Variants in PCDHA7 observed in about 807,000 individuals in gnomAD.
The protein encoded by PCDHA7 is protocadherin alpha-7.
PCDHA7 carries 37 observed loss-of-function variants against 57.2 expected under a neutral mutation model. That is an observed-to-expected ratio of 0.65 (90% confidence interval 0.50 to 0.85). The LOEUF is 0.85. Ranked by LOEUF, PCDHA7 falls within the 40% of genes least tolerant of loss-of-function variation. The pLI, the probability that PCDHA7 is intolerant of heterozygous loss-of-function variation, is 0.00. For missense variants in PCDHA7, 1,188 were observed against 1,241.8 expected (o/e 0.96, Z 0.65); for synonymous variants, 553 against 558.8 (o/e 0.99, Z 0.15).
At chr5:140,880,812 G>C (rs782505360) in intron 1 of PCDHA7, among the ~76,000 whole-genome samples, 2 of 152,200 alleles carry the variant, frequency 1.3e-5, no homozygotes, top group Non-Finnish European at 2.9e-5. Flanking sequence ...AATGACTCTA[G>C]AGTGTCTGGA....
intron 3 of PCDHA7, among the ~76,000 whole-genome samples, chr5:140,989,936 C>T (rs564429410): frequency 1.3e-5 from 2 of 152,104 alleles, no homozygotes; most frequent in Non-Finnish European, 2.9e-5. Flanking sequence ...AGATGACATT[C>T]CACGTTTTTC....
At position 141,007,395 on chromosome 5, in the gene PCDHA7, C is replaced by CA. The variant is rs35800918; in HGVS notation, c.2504-2209dup. 5.3e-3 allele frequency among the ~76,000 whole-genome samples: 498 copies of CA among 94,810 alleles called. 4 individuals carry two copies. The highest frequency in any genetic ancestry group is 0.049 in the East Asian group (166 of 3,398). 62.2% of individuals were successfully genotyped at this position (94,810 alleles called of 152,430 possible). On this transcript the variant is annotated intron_variant, in intron 3 of 3. Transcript: ENST00000525929. The stretch of plus-strand genomic sequence containing the variant: ...ATGGAACACCATCTCTACTAAAATA[C>CA]AAAAAAAAAAAAAAAAAAAAAAATT...
chr5:141,000,027 A>G (rs782393146), intron 3 of PCDHA7, among the ~76,000 whole-genome samples: 4 of 152,048 alleles, frequency 2.6e-5, no homozygotes, highest in Non-Finnish European at 5.9e-5. Flanking sequence ...TAAGCCTGAC[A>G]TCCAATCACA....
At chr5:140,966,997 G>A in intron 1 of PCDHA7, 3 of 1,604,812 alleles carry the variant, frequency 1.9e-6, no homozygotes, top group Non-Finnish European at 2.5e-6. Flanking sequence ...CGGGTTGCTT[G>A]CGCATCAACC....
At chr5:140,948,106 T>A (rs1383733772) in intron 1 of PCDHA7, among the ~76,000 whole-genome samples, 1 of 151,652 alleles carries the variant, frequency 6.6e-6, no homozygotes, top group Non-Finnish European at 1.5e-5. Context: ...TGATTTTTCT[T>A]CGTTTTACTA....
At chr5:140,892,207 A>C (rs1562863208) in intron 1 of PCDHA7, among the ~76,000 whole-genome samples, 1 of 152,110 alleles carries the variant, frequency 6.6e-6, no homozygotes, top group African/African-American at 2.4e-5. Context: ...TGTGTTTTAA[A>C]ATTGTATCTT....
intron 1 of PCDHA7, chr5:140,966,728 TCCG>T (rs1554228593): frequency 2.8e-6 from 4 of 1,404,870 alleles, no homozygotes; most frequent in Non-Finnish European, 3.7e-6. Flanking sequence ...AGCTGCCGCC[TCCG>T]GCCCTGCCCG....
intron 1 of PCDHA7, chr5:140,882,353 G>A (rs782054546): frequency 2.5e-6 from 4 of 1,614,174 alleles, no homozygotes; most frequent in Non-Finnish European, 3.4e-6. Flanking sequence ...GACGGGTAGT[G>A]GCCAGCTCCA....
At position 140,834,546 on chromosome 5, in the gene PCDHA7, G is replaced by C; in HGVS notation, c.163G>C (p.Glu55Gln). ...VGRIAQDLGL[E>Q]LAELVPRLFR... Reference sequence around the variant, plus strand: ...CCGCATCGCGCAGGACCTGGGGCTGGAGCTGGCGGAGCTGGTGCCGCGCCT... The same window carrying C: ...CCGCATCGCGCAGGACCTGGGGCTGCAGCTGGCGGAGCTGGTGCCGCGCCT... The change falls in exon 1 of 4, where the codon GAG becomes CAG. Residue 55 changes from glutamate (E) to glutamine (Q), a missense_variant. Around this residue, in one of 3 missense-constraint regions of PCDHA7, gnomAD observed 194 missense variants for 185.8 expected, o/e 1.04. Coordinates refer to ENST00000525929, the MANE Select transcript of PCDHA7 (RefSeq NM_018910.3). 6.2e-7 allele frequency: 1 copy of C among 1,614,062 alleles called. No individual in the cohort carries two copies. Among genetic ancestry groups the C allele is most frequent in the South Asian group, 1.1e-5 (1 of 91,074 alleles).
chr5:140,931,209 A>C (rs1554208285), intron 1 of PCDHA7, among the ~76,000 whole-genome samples: 1 of 152,184 alleles, frequency 6.6e-6, no homozygotes, highest in African/African-American at 2.4e-5. Context: ...CTAGTATTTC[A>C]GGTATCAGAG....
In PCDHA7 at chr5:140,972,316, G is replaced by GT. The variant is rs112435719; in HGVS notation, c.2356-6621dup. On this transcript the variant is annotated intron_variant, in intron 1 of 3. Coordinates refer to ENST00000525929, the MANE Select transcript of PCDHA7 (RefSeq NM_018910.3). ...CACCGTGTCTGACTAGTTTTTAGGT[G>GT]TTTTTTTTTTTTGGAAGAGATGGGG... 6.7e-3 allele frequency among the ~76,000 whole-genome samples: 929 copies of GT among 139,652 alleles called. 6 individuals carry two copies. The highest frequency in any genetic ancestry group is 0.017 in the African/African-American group (645 of 38,294). The allele number at this position is 139,652 out of a possible 152,430, so 91.6% of individuals were successfully genotyped here.
intron 3 of PCDHA7, among the ~76,000 whole-genome samples, chr5:140,999,429 A>G (rs1554256798): frequency 6.6e-6 from 1 of 152,190 alleles, no homozygotes. Flanking sequence ...GAGGCCAAGT[A>G]CCTTGCCTCT....
intron 1 of PCDHA7, chr5:140,858,217 G>A: frequency 1.3e-6 from 2 of 1,595,954 alleles, no homozygotes; most frequent in Non-Finnish European, 1.7e-6. Flanking sequence ...GGTGCTCGGC[G>A]GCGCCCACCG....
At chr5:140,878,371 G>A (rs543191231) in intron 1 of PCDHA7, among the ~76,000 whole-genome samples, 53 of 152,276 alleles carry the variant, frequency 3.5e-4, no homozygotes, top group Non-Finnish European at 6.5e-4. Flanking sequence ...TCTGACATAT[G>A]ATGAATGATT....
At chr5:141,005,371 T>G (rs35698397) in intron 3 of PCDHA7, among the ~76,000 whole-genome samples, 7,868 of 152,226 alleles carry the variant, frequency 0.052, 247 homozygotes, top group South Asian at 0.11. Flanking sequence ...TAGAATGCCT[T>G]TCCAAGGAGG....
chr5:140,964,087 G>T (rs2095809523), intron 1 of PCDHA7, among the ~76,000 whole-genome samples: 1 of 152,078 alleles, frequency 6.6e-6, no homozygotes, highest in African/African-American at 2.4e-5. Context: ...TTGTAGAAAG[G>T]GTAATTAACA....
Position 140,850,654 on chromosome 5 carries a change from T to C in PCDHA7, c.2355+13916T>C, listed in dbSNP as rs2150492397. On this transcript the variant is annotated intron_variant, in intron 1 of 3. Coordinates refer to ENST00000525929, the MANE Select transcript of PCDHA7 (RefSeq NM_018910.3). ...GTTCTCACGCTGCTGCTGTACACTG[T>C]GCTGCGGTGCTCGGCGATGCCCACC... The C allele has an allele frequency of 1.6e-5, 25 of 1,598,638 alleles. 2 individuals are homozygous for C. The highest frequency in any genetic ancestry group is 2.1e-5 in the Non-Finnish European group (25 of 1,167,896).
Position 140,835,881 on chromosome 5 carries a change from G to A in PCDHA7, c.1498G>A (p.Gly500Ser), listed in dbSNP as rs200873751. 135 of 1,612,004 alleles carry A rather than the reference G, an allele frequency of 8.4e-5. 2 individuals are homozygous for A. Among genetic ancestry groups the A allele is most frequent in the Non-Finnish European group, 1.1e-4 (125 of 1,179,638 alleles). ...VSYSLVELRV[G>S]ERALSSYVSV... ...CTACTCGCTGGTGGAGCTGCGGGTG[G>A]GCGAGCGCGCGCTGTCGAGCTACGT... Residue 500 changes from glycine (G) to serine (S), a missense_variant, in exon 1 of 4, where the codon GGC becomes AGC. By Grantham distance (56) the Gly-to-Ser change is moderately conservative (BLOSUM62 0). Transcript: ENST00000525929.
intron 1 of PCDHA7, among the ~76,000 whole-genome samples, chr5:140,901,260 T>C (rs1554189701): frequency 6.6e-6 from 1 of 152,308 alleles, no homozygotes; most frequent in East Asian, 1.9e-4. Flanking sequence ...CCTGTGATTG[T>C]GGGGTATTAC....
Sources: allele counts gnomAD v4.1 joint callset (sites outside exome capture counted in the v4.1 genomes callset), GRCh38; gene constraint gnomAD v4.1.1; regional missense constraint gnomAD v4.1.1; transcripts MANE v1.5; gene names NCBI Gene and HGNC (gene_info 2026-07-23, HGNC 2026-07-21).